C1GALT1: variants seen among roughly 807,000 people sequenced by gnomAD.
The protein encoded by C1GALT1 is glycoprotein-N-acetylgalactosamine 3-beta-galactosyltransferase 1.
C1GALT1 carries 11 observed loss-of-function variants against 31.0 expected under a neutral mutation model. That is an observed-to-expected ratio of 0.36 (90% CI 0.22 to 0.59). The LOEUF (loss-of-function observed/expected upper bound fraction) is 0.59. C1GALT1 is among the 20% of genes least tolerant of loss of function. The pLI, the probability that C1GALT1 is intolerant of heterozygous loss-of-function variation, is 0.79. For missense variants in C1GALT1, 424 were observed against 425.2 expected, an observed-to-expected ratio of 1.00 and a Z score of 0.03; for synonymous variants, 175 against 143.6, an observed-to-expected ratio of 1.22 and a Z score of -1.56.
At chr7:7,235,593 C>G (rs1204905202) in intron 2 of C1GALT1, among the ~76,000 whole-genome samples, 2 of 152,164 alleles carry the variant, frequency 1.3e-5, no homozygotes, top group African/African-American at 4.8e-5. Context: ...TAATAGTAAG[C>G]CGTACGAGGC....
intron 1 of C1GALT1, among the ~76,000 whole-genome samples, chr7:7,204,693 A>C (rs1407655277): frequency 6.6e-6 from 1 of 152,120 alleles, no homozygotes; most frequent in Non-Finnish European, 1.5e-5. Context: ...TAATAACTAT[A>C]AATGTCTTCC....
intron 1 of C1GALT1, among the ~76,000 whole-genome samples, chr7:7,222,961 G>C (rs1410525747): frequency 6.6e-6 from 1 of 151,598 alleles, no homozygotes; most frequent in Non-Finnish European, 1.5e-5. Context: ...TTAAAAAAAA[G>C]TCAACTGAGT....
In C1GALT1 at chr7:7,234,395, C is replaced by G; in HGVS notation, c.76C>G (p.Leu26Val). 6.2e-7 allele frequency: 1 copy of G among 1,613,866 alleles called. No individual in the cohort carries two copies. Among genetic ancestry groups the G allele is most frequent in the Non-Finnish European group, 8.5e-7 (1 of 1,179,874 alleles). Residue 26 changes from leucine to valine, a missense_variant, in exon 2 of 4, where the codon CTA becomes GTA. Leu to Val is a conservative substitution (Grantham distance 32, BLOSUM62 1). Around this residue, in one of 3 missense-constraint regions of C1GALT1, gnomAD observed 189 missense variants for 158.2 expected, o/e 1.19. Coordinates refer to ENST00000436587, the MANE Select transcript of C1GALT1 (RefSeq NM_020156.5). ...SAIGFLLCSQ[L>V]FSILLGEKVD... Reference sequence around the variant, plus strand: ...AATAGGATTTCTTTTATGTTCTCAGCTATTTAGTATTTTGTTGGGAGAAAA... The same window carrying G: ...AATAGGATTTCTTTTATGTTCTCAGGTATTTAGTATTTTGTTGGGAGAAAA...
chr7:7,228,154 G>A (rs1562589720), intron 1 of C1GALT1, among the ~76,000 whole-genome samples: 1 of 152,010 alleles, frequency 6.6e-6, no homozygotes, highest in Non-Finnish European at 1.5e-5. Flanking sequence ...TATTGCTAGA[G>A]AGAAACCTGT....
Position 7,182,805 on chromosome 7 carries a change from C to T in C1GALT1, c.-33C>T. 27 of 985,602 alleles carry T rather than the reference C, an allele frequency of 2.7e-5. No individual in the cohort carries two copies. Among genetic ancestry groups the T allele is most frequent in the Non-Finnish European group, 3.3e-5 (27 of 830,072 alleles). 61.1% of individuals were successfully genotyped at this position (985,602 alleles called of 1,614,324 possible). ...GCCCCCCAGGAGGGGCGAGAGGGAGCCGCAGCTGATGTCAGGTATGGCCGG... is the reference window on the plus strand; with the variant it reads ...GCCCCCCAGGAGGGGCGAGAGGGAGTCGCAGCTGATGTCAGGTATGGCCGG... On this transcript the variant is annotated 5_prime_UTR_variant, in exon 1 of 4. Coordinates refer to ENST00000436587, the MANE Select transcript of C1GALT1 (RefSeq NM_020156.5).
At position 7,246,314 on chromosome 7, in the gene C1GALT1, A is replaced by C. The variant is rs1783841607; in HGVS notation, c.*2587A>C. ...CCTGTGTGTTCATTGGAACCGTATC[A>C]GGCTTGGGGCTATTCATGTAGCATT... On this transcript the variant is annotated 3_prime_UTR_variant, in exon 4 of 4. Transcript: ENST00000436587. 6.6e-6 allele frequency: 1 copy of C among 152,196 alleles called. No homozygotes were observed. The highest frequency in any genetic ancestry group is 1.5e-5 in the Non-Finnish European group (1 of 68,022). The allele number at this position is 152,196 out of a possible 1,614,324, so 9.4% of individuals were successfully genotyped here. A position where few individuals can be genotyped will look rare whatever the true frequency, so the allele number is the denominator to read the frequency against.
chr7:7,183,175 G>A (rs899570996), intron 1 of C1GALT1, among the ~76,000 whole-genome samples: 1 of 151,596 alleles, frequency 6.6e-6, no homozygotes. Context: ...AGTGCGCCCG[G>A]ACCGGACCAC....
At chr7:7,237,809 A>C (rs1160618007) in intron 2 of C1GALT1, among the ~76,000 whole-genome samples, 2 of 152,184 alleles carry the variant, frequency 1.3e-5, no homozygotes, top group Non-Finnish European at 2.9e-5. Context: ...AATTTCTGTC[A>C]GTAATCTATT....
upstream of C1GALT1, chr7:7,178,271 CAGAG>C (rs1195388560): frequency 8.6e-6 from 2 of 232,298 alleles, no homozygotes; most frequent in Non-Finnish European, 1.9e-5. Context: ...GAAAATGTTG[CAGAG>C]AGAGTCATCA....
intron 1 of C1GALT1, among the ~76,000 whole-genome samples, chr7:7,205,332 A>G (rs1183604983): frequency 6.6e-6 from 1 of 152,190 alleles, no homozygotes; most frequent in Non-Finnish European, 1.5e-5. Context: ...CTTACTGATA[A>G]TGTAAGCAGT....
intron 1 of C1GALT1, among the ~76,000 whole-genome samples, chr7:7,216,149 G>GTGTT (rs1375573980): frequency 6.6e-6 from 1 of 152,142 alleles, no homozygotes; most frequent in Non-Finnish European, 1.5e-5. Flanking sequence ...GGAAGTTCCA[G>GTGTT]TGTTTGAGAG....
intron 1 of C1GALT1, among the ~76,000 whole-genome samples, chr7:7,199,338 G>C (rs187103088): frequency 6.6e-6 from 1 of 152,064 alleles, no homozygotes; most frequent in African/African-American, 2.4e-5. Context: ...TTCCATGTAG[G>C]TGAGCGGTTT....
At chr7:7,236,290 A>G (rs1169138071) in intron 2 of C1GALT1, among the ~76,000 whole-genome samples, 2 of 152,144 alleles carry the variant, frequency 1.3e-5, no homozygotes, top group African/African-American at 2.4e-5. Context: ...TGAATGAAAA[A>G]TTATTTATCA....
chr7:7,202,410 T>C (rs575140407), intron 1 of C1GALT1, among the ~76,000 whole-genome samples: 12 of 152,342 alleles, frequency 7.9e-5, no homozygotes, highest in Admixed American at 1.3e-4. Flanking sequence ...TATATTGTGT[T>C]ATGTAAAAGT....
At position 7,192,153 on chromosome 7, in the gene C1GALT1, T is replaced by A. The variant is rs548396656; in HGVS notation, c.-18+9333T>A. 1.1e-4 allele frequency among the ~76,000 whole-genome samples: 17 copies of A among 152,094 alleles called. No individual in the cohort carries two copies. The South Asian group carries it at 2.1e-3, about 19-fold the overall frequency. On this transcript the variant is annotated intron_variant, in intron 1 of 3. Transcript: ENST00000436587. Reference sequence around the variant, plus strand: ...GAGTTACTTTTTCTTCTTTTTTTTTTATTTCAATAGGCTTTTGGGGAACAG... The same window carrying A: ...GAGTTACTTTTTCTTCTTTTTTTTTAATTTCAATAGGCTTTTGGGGAACAG...
At chr7:7,198,795 C>T (rs1052500889) in intron 1 of C1GALT1, among the ~76,000 whole-genome samples, 4 of 152,198 alleles carry the variant, frequency 2.6e-5, no homozygotes, top group Admixed American at 6.5e-5. Flanking sequence ...TTATCCATTT[C>T]TTCTAGATTT....
At chr7:7,172,142 C>G (rs542809497) in intron 2 of C1GALT1, among the ~76,000 whole-genome samples, 1 of 152,200 alleles carries the variant, frequency 6.6e-6, no homozygotes, top group South Asian at 2.1e-4. Flanking sequence ...TGGAAGGAAA[C>G]GTTGAACTCA....
chr7:7,188,412 G>C (rs1038256070), intron 1 of C1GALT1, among the ~76,000 whole-genome samples: 1 of 152,166 alleles, frequency 6.6e-6, no homozygotes, highest in African/African-American at 2.4e-5. Flanking sequence ...CTGAAACTTG[G>C]AGAAGTCTGA....
intron 1 of C1GALT1, among the ~76,000 whole-genome samples, chr7:7,232,303 GTTTTGT>G (rs1783113631): frequency 1.3e-5 from 2 of 152,108 alleles, no homozygotes; most frequent in African/African-American, 4.8e-5. Context: ...ACATGAAGTT[GTTTTGT>G]TTTTATTATT....
Sources: gnomAD v4.1 joint callset for allele counts (sites outside exome capture counted in the v4.1 genomes callset) on GRCh38, gnomAD v4.1.1 for gene constraint, gnomAD v4.1.1 regional missense constraint, MANE v1.5 for transcripts, NCBI Gene and HGNC (gene_info 2026-07-23, HGNC 2026-07-21) for gene names.